ALPK2: variants seen among roughly 807,000 people sequenced by gnomAD.
The protein encoded by ALPK2 is alpha-protein kinase 2.
Under a neutral mutation model 163.1 loss-of-function variants are expected in ALPK2, and 127 were observed. The observed-to-expected ratio is 0.78, with a 90% CI of 0.67 to 0.90. ALPK2 has a LOEUF of 0.90. Among genes scored for constraint, ALPK2 ranks in the 40% least tolerant of loss-of-function variants. The pLI is 0.00. For missense variants in ALPK2, 2,360 were observed against 2,589.6 expected, an observed-to-expected ratio of 0.91 and a Z score of 1.92; for synonymous variants, 953 against 959.1, an observed-to-expected ratio of 0.99 and a Z score of 0.12.
Position 58,537,013 on chromosome 18 carries a change from A to G in ALPK2, c.3174T>C (p.Asp1058=). 1.2e-6 allele frequency: 2 copies of G among 1,614,128 alleles called. No homozygotes were observed. Among genetic ancestry groups the G allele is most frequent in the East Asian group, 2.2e-5 (1 of 44,874 alleles). The change falls in exon 5 of 13, where the codon GAT becomes GAC. Residue 1058 remains aspartate, a synonymous_variant. Coordinates refer to ENST00000361673, the MANE Select transcript of ALPK2 (RefSeq NM_052947.4). ...TGATGGTAGCACCACTTAAAATATGATCCAACTGCACTTGGGAAGGAAATT... is the reference window on the plus strand; with the variant it reads ...TGATGGTAGCACCACTTAAAATATGGTCCAACTGCACTTGGGAAGGAAATT... The part of the protein sequence containing the change: ...VSQFPSQVQL[D]HILSGATIKS...
intron 4 of ALPK2, among the ~76,000 whole-genome samples, chr18:58,554,803 T>C (rs144292539): frequency 0.016 from 2,426 of 152,228 alleles, 42 homozygotes; most frequent in East Asian, 0.093. Flanking sequence ...TTATCTTGAA[T>C]TGTAGCTCCC....
chr18:58,595,702 C>CT (rs1003734031), intron 3 of ALPK2, among the ~76,000 whole-genome samples: 1 of 152,138 alleles, frequency 6.6e-6, no homozygotes, highest in Non-Finnish European at 1.5e-5. Context: ...AGCATCAATA[C>CT]TTTTTTAAAG....
Position 58,579,106 on chromosome 18 carries a change from G to A in ALPK2, c.1670C>T (p.Thr557Ile). The A allele has an allele frequency of 1.2e-6, 2 of 1,614,184 alleles. No individual in the cohort carries two copies. The highest frequency in any genetic ancestry group is 1.7e-6 in the Non-Finnish European group (2 of 1,180,032). ...GCAGAGATGAAGGGTACCTTCTGTT[G>A]TACTTTCTCTCAGGTTGGCATTCGG... The part of the protein sequence containing the change: ...KKPNANLRES[T>I]TEGTLHLCSA... Residue 557 changes from threonine to isoleucine, a missense_variant, in exon 4 of 13, where the codon ACA becomes ATA. Thr to Ile is a moderately conservative substitution (Grantham distance 89, BLOSUM62 -1). Coordinates refer to ENST00000361673, the MANE Select transcript of ALPK2 (RefSeq NM_052947.4).
In ALPK2 at chr18:58,523,965, C is replaced by G. The variant is rs201637680; in HGVS notation, c.5599G>C (p.Val1867Leu). The change falls in exon 7 of 13, where the codon GTG becomes CTG. Residue 1867 changes from valine to leucine, a missense_variant. By Grantham distance (32) the Val-to-Leu change is conservative (BLOSUM62 1). Coordinates refer to ENST00000361673, the MANE Select transcript of ALPK2 (RefSeq NM_052947.4). ...GCTGTGAGGTTAAATTCAGCAGTCACTTTTCCGTAGCTGTTCTTGATGCAG... is the reference window on the plus strand; with the variant it reads ...GCTGTGAGGTTAAATTCAGCAGTCAGTTTTCCGTAGCTGTTCTTGATGCAG... ...YCCIKNSYGKVTAEFNLTAEV... is the reference protein window; with the variant it reads ...YCCIKNSYGKLTAEFNLTAEV... 159 of 1,614,068 alleles carry G rather than the reference C, an allele frequency of 9.9e-5. No homozygotes were observed. Among genetic ancestry groups the G allele is most frequent in the Admixed American group, 1.7e-4 (10 of 60,008 alleles).
intron 4 of ALPK2, among the ~76,000 whole-genome samples, chr18:58,561,478 C>T (rs980374320): frequency 1.3e-5 from 2 of 152,090 alleles, no homozygotes; most frequent in South Asian, 2.1e-4. Context: ...ATCCCGCCCC[C>T]AAAAGCAGAC....
At chr18:58,621,713 G>T (rs1240997314) in intron 1 of ALPK2, among the ~76,000 whole-genome samples, 1 of 152,116 alleles carries the variant, frequency 6.6e-6, no homozygotes, top group Non-Finnish European at 1.5e-5. Flanking sequence ...AAGTGTGGGG[G>T]GTGGAAAGAA....
At position 58,536,905 on chromosome 18, in the gene ALPK2, AC is replaced by A. The variant is rs1568078449; in HGVS notation, c.3281del (p.Gly1094ValfsTer115). ...CCTGAAGAGGGGAATTACTGCAGAA[AC>A]CCTCTCCCTCTGGGAGCTGCAGGAC... ...HHVLQLPEGE[G>X]FCSNSPLQVD... is the part of the protein sequence containing the mutation. On this transcript the variant is annotated frameshift_variant, in exon 5 of 13. Transcript: ENST00000361673. LOFTEE classifies it high-confidence loss of function. 6.2e-7 allele frequency: 1 copy of A among 1,613,830 alleles called. No homozygotes were observed. Among genetic ancestry groups the A allele is most frequent in the Non-Finnish European group, 8.5e-7 (1 of 1,180,006 alleles).
intron 3 of ALPK2, among the ~76,000 whole-genome samples, chr18:58,592,013 A>G (rs2052017306): frequency 6.6e-6 from 1 of 152,180 alleles, no homozygotes; most frequent in African/African-American, 2.4e-5. Flanking sequence ...AAGCAAATAA[A>G]ATAGTCATGT....
In ALPK2 at chr18:58,536,610, C is replaced by A. The variant is rs529547212; in HGVS notation, c.3577G>T (p.Val1193Phe). 2 of 1,614,150 alleles carry A rather than the reference C, an allele frequency of 1.2e-6. No individual in the cohort carries two copies. Among genetic ancestry groups the A allele is most frequent in the East Asian group, 2.2e-5 (1 of 44,882 alleles). ...AGQRSGWGTR[V>F]SVVAETAGEE... ...CCAGCAGTTTCAGCCACCACGGAGA[C>A]CCTCGTCCCCCAACCTGAGCGCTGC... Residue 1193 changes from valine to phenylalanine, a missense_variant, in exon 5 of 13, where the codon GTC becomes TTC. Transcript: ENST00000361673.
Position 58,580,311 on chromosome 18 carries a change from C to G in ALPK2, c.465G>C (p.Pro155=), listed in dbSNP as rs1010651531. The G allele has an allele frequency of 6.2e-7, 1 of 1,614,054 alleles. No homozygotes were observed. Among genetic ancestry groups the G allele is most frequent in the Non-Finnish European group, 8.5e-7 (1 of 1,180,004 alleles). ...HPYKEEESIS[P]GTPRSADSSP... is the part of the protein sequence containing the mutation. ...AGGAGTCAGCTGACCTGGGAGTGCCCGGGGAGATGCTTTCTTCTTCCTTAT... is the reference window on the plus strand; with the variant it reads ...AGGAGTCAGCTGACCTGGGAGTGCCGGGGGAGATGCTTTCTTCTTCCTTAT... Residue 155 remains proline (P), a synonymous_variant, in exon 4 of 13, where the codon CCG becomes CCC. Transcript: ENST00000361673.
At chr18:58,483,873 C>T (rs895701467) in intron 12 of ALPK2, among the ~76,000 whole-genome samples, 1 of 151,988 alleles carries the variant, frequency 6.6e-6, no homozygotes, top group African/African-American at 2.4e-5. Context: ...CCCTTGCTCA[C>T]TTTAAATTCT....
At chr18:58,510,053 A>G (rs1297611129) in intron 10 of ALPK2, among the ~76,000 whole-genome samples, 1 of 152,176 alleles carries the variant, frequency 6.6e-6, no homozygotes, top group Non-Finnish European at 1.5e-5. Context: ...TCTTGAATTA[A>G]TTTTTATATA....
At position 58,579,467 on chromosome 18, in the gene ALPK2, G is replaced by A. The variant is rs2051943295; in HGVS notation, c.1309C>T (p.Gln437Ter). The stretch of plus-strand genomic sequence containing the variant: ...TCTGTCACTGAAGACGTTCCATCCT[G>A]GTGAGGTCCCAAAATGAGAGTCATC... ...TGMTLILGPH[Q>*]DGTSSVTEQG... The change falls in exon 4 of 13, where the codon CAG becomes TAG. Residue 437 changes from glutamine to a stop codon, truncating the protein, a stop_gained. Transcript: ENST00000361673. LOFTEE classifies it high-confidence loss of function. 6.2e-7 allele frequency: 1 copy of A among 1,613,900 alleles called. No individual in the cohort carries two copies. Among genetic ancestry groups the A allele is most frequent in the African/African-American group, 1.3e-5 (1 of 74,864 alleles).
intron 6 of ALPK2, among the ~76,000 whole-genome samples, chr18:58,524,809 A>C (rs2051575718): frequency 1.3e-5 from 2 of 152,186 alleles, no homozygotes; most frequent in African/African-American, 4.8e-5. Context: ...AGGCATAGAA[A>C]AATTTAAGCA....
chr18:58,615,293 A>G lies in ALPK2; in HGVS notation c.-20-3476T>C, dbSNP rs541983444. Among the ~76,000 whole-genome samples the G allele has an allele frequency of 1.1e-3, 160 of 152,192 alleles. 2 individuals carry two copies. Among genetic ancestry groups the G allele is most frequent in the African/African-American group, 3.6e-3 (151 of 41,504 alleles). On this transcript the variant is annotated intron_variant, in intron 1 of 12. Coordinates refer to ENST00000361673, the MANE Select transcript of ALPK2 (RefSeq NM_052947.4). ...CACTCTTCATATTCCTAGGGAAGTT[A>G]CTCAAATGGAGGGGGACAGTGGCGG... is the stretch of plus-strand genomic sequence containing the variant.
At chr18:58,560,464 T>A (rs2051820150) in intron 4 of ALPK2, among the ~76,000 whole-genome samples, 1 of 152,234 alleles carries the variant, frequency 6.6e-6, no homozygotes, top group Non-Finnish European at 1.5e-5. Context: ...CACATGGTCC[T>A]TTCTCGACCT....
chr18:58,552,396 C>A (rs1037613183), intron 4 of ALPK2, among the ~76,000 whole-genome samples: 2 of 152,160 alleles, frequency 1.3e-5, no homozygotes, highest in Non-Finnish European at 2.9e-5. Flanking sequence ...CTGTCCCAAC[C>A]CAGCTCACAG....
At chr18:58,544,782 T>C (rs967585799) in intron 4 of ALPK2, 1 of 152,240 alleles carries the variant, frequency 6.6e-6, no homozygotes, top group Non-Finnish European at 1.5e-5. Context: ...CTGATTGGAA[T>C]GGGCAGATGT....
chr18:58,494,757 A>G (rs997964324), intron 12 of ALPK2, among the ~76,000 whole-genome samples: 1 of 151,976 alleles, frequency 6.6e-6, no homozygotes, highest in African/African-American at 2.4e-5. Context: ...TTATTCCTCC[A>G]TCTTCTCTCC....
Sources: gnomAD v4.1 joint callset for allele counts (sites outside exome capture counted in the v4.1 genomes callset) on GRCh38, gnomAD v4.1.1 for gene constraint, MANE v1.5 for transcripts, NCBI Gene and HGNC (gene_info 2026-07-23, HGNC 2026-07-21) for gene names.